PLD1: variants seen among roughly 807,000 people sequenced by gnomAD.
The protein encoded by PLD1 is choline phosphatase 1.
PLD1 carries 112 observed loss-of-function variants against 137.1 expected under a neutral mutation model. That is an observed-to-expected ratio of 0.82 (90% CI 0.70 to 0.96). PLD1 has a LOEUF of 0.96. Ranked by LOEUF, PLD1 falls within the 40% of genes least tolerant of loss-of-function variation. The pLI is 0.00. For missense variants in PLD1, 1,321 were observed against 1,342.0 expected, an observed-to-expected ratio of 0.98 and a Z score of 0.24; for synonymous variants, 431 against 454.7, an observed-to-expected ratio of 0.95 and a Z score of 0.66.
chr3:171,771,303 C>T (rs1204589744), intron 1 of PLD1: 1 of 152,278 alleles, frequency 6.6e-6, no homozygotes, highest in Non-Finnish European at 1.5e-5. Context: ...AAATCGACTA[C>T]CCTGAGAATC....
chr3:171,674,671 C>T, intron 18 of PLD1, 58 bp from the exon 19 acceptor site: 2 of 1,007,838 alleles, frequency 2.0e-6, no homozygotes, highest in Non-Finnish European at 3.0e-6. Context: ...ATTCTCCCTA[C>T]TTTGTGATTA....
intron 23 of PLD1, among the ~76,000 whole-genome samples, chr3:171,624,247 A>T (rs2108306403): frequency 6.6e-6 from 1 of 152,270 alleles, no homozygotes; most frequent in East Asian, 1.9e-4. Flanking sequence ...ATTCACACAC[A>T]CAAAAGATAC....
At chr3:171,747,768 T>C (rs77179151) in intron 1 of PLD1, among the ~76,000 whole-genome samples, 1,659 of 152,316 alleles carry the variant, frequency 0.011, 37 homozygotes, top group African/African-American at 0.038. Flanking sequence ...ACCTATGAAG[T>C]AACTGCTGTT....
At chr3:171,752,426 G>A (rs909801872) in intron 1 of PLD1, among the ~76,000 whole-genome samples, 9 of 152,198 alleles carry the variant, frequency 5.9e-5, no homozygotes, top group Non-Finnish European at 8.8e-5. Context: ...TGGCTAAACC[G>A]AAGTTATCTA....
intron 16 of PLD1, among the ~76,000 whole-genome samples, chr3:171,682,397 C>T (rs1259008624): frequency 6.6e-6 from 1 of 152,014 alleles, no homozygotes. Context: ...TGTATGACAC[C>T]AGGAGGTTTA....
At chr3:171,620,761 TA>T (rs1277515286) in intron 23 of PLD1, among the ~76,000 whole-genome samples, 4,928 of 139,780 alleles carry the variant, frequency 0.035, 259 homozygotes, top group African/African-American at 0.11. Flanking sequence ...TATATATATA[TA>T]TATATATTAT....
At chr3:171,728,878 T>C (rs887743687) in intron 6 of PLD1, among the ~76,000 whole-genome samples, 2 of 152,174 alleles carry the variant, frequency 1.3e-5, no homozygotes, top group Non-Finnish European at 2.9e-5. Flanking sequence ...CCTAATGGCT[T>C]AGTAAAGTTT....
chr3:171,635,700 T>C (rs1282951942), intron 23 of PLD1, among the ~76,000 whole-genome samples: 1 of 152,094 alleles, frequency 6.6e-6, no homozygotes, highest in East Asian at 1.9e-4. Flanking sequence ...CAAATGGTTT[T>C]CTCTCATTCT....
chr3:171,649,195 T>C (rs1261447569), intron 21 of PLD1, among the ~76,000 whole-genome samples: 1 of 152,202 alleles, frequency 6.6e-6, no homozygotes, highest in Non-Finnish European at 1.5e-5. Flanking sequence ...TTATAAAACA[T>C]TCTTGCAAAT....
rs1713523480 is a variant in PLD1, at chr3:171,677,640, G to T, written c.1922C>A (p.Thr641Asn). ...QTGVGELHGE[T>N]RFWHGKDYCN... ...GTAGTCCTTTCCATGCCAGAATCTG[G>T]TTTCCCCATGCAGCTCTCCCACACC... The change falls in exon 17 of 27, where the codon ACC becomes AAC. Residue 641 changes from threonine to asparagine, a missense_variant. Coordinates refer to ENST00000351298, the MANE Select transcript of PLD1 (RefSeq NM_002662.5). 2 of 1,613,894 alleles carry T rather than the reference G, an allele frequency of 1.2e-6. No homozygotes were observed. The highest frequency in any genetic ancestry group is 1.7e-5 in the Admixed American group (1 of 60,012).
rs995052925 is a variant in PLD1, at chr3:171,739,380, A to G, written c.-31-1298T>C. 2.6e-5 allele frequency among the ~76,000 whole-genome samples: 4 copies of G among 152,190 alleles called. No homozygotes were observed. In the East Asian group the frequency reaches 5.8e-4, roughly 22 times the overall value. ...GGAAATTCAAAAATGGGAGCGAAGG[A>G]GGGAGGTTCTGGTTTGGCCAGACAT... On this transcript the variant is annotated intron_variant, in intron 1 of 26. Transcript: ENST00000351298.
chr3:171,749,125 C>T (rs929223319), intron 1 of PLD1, among the ~76,000 whole-genome samples: 8 of 152,024 alleles, frequency 5.3e-5, no homozygotes, highest in African/African-American at 1.9e-4. Flanking sequence ...AAGATTTATT[C>T]AAGGTTAACA....
chr3:171,642,457 CAAAAAAAAAAA>C (rs1230947984), intron 23 of PLD1, among the ~76,000 whole-genome samples: 1 of 33,028 alleles, frequency 3.0e-5, no homozygotes, highest in Non-Finnish European at 6.1e-5. Context: ...AACCCAGTCT[CAAAAAAAAAAA>C]AAAAAAAAAA....
chr3:171,652,184 C>A (rs1017151745), intron 21 of PLD1, among the ~76,000 whole-genome samples: 7 of 152,042 alleles, frequency 4.6e-5, no homozygotes, highest in African/African-American at 1.7e-4. Context: ...CAGGCCAAGG[C>A]GGGCGGACCA....
chr3:171,723,223 A>C (rs946361084), intron 8 of PLD1, among the ~76,000 whole-genome samples: 8 of 152,156 alleles, frequency 5.3e-5, no homozygotes, highest in Non-Finnish European at 7.4e-5. Flanking sequence ...AACTGAGAAC[A>C]TGTGAAGATT....
At chr3:171,685,488 T>C (rs1216278285) in intron 16 of PLD1, among the ~76,000 whole-genome samples, 5 of 152,196 alleles carry the variant, frequency 3.3e-5, no homozygotes, top group Admixed American at 1.3e-4. Context: ...TGGAACTCCA[T>C]TGGGCAGGTC....
At chr3:171,603,382 CA>C in intron 26 of PLD1, 80 bp from the exon 27 acceptor site, 3 of 891,210 alleles carry the variant, frequency 3.4e-6, no homozygotes, top group Non-Finnish European at 5.4e-6. Context: ...ATTATTCCAA[CA>C]GACAAGACCT....
chr3:171,751,238 A>T (rs1328889408), intron 1 of PLD1, among the ~76,000 whole-genome samples: 1 of 152,218 alleles, frequency 6.6e-6, no homozygotes, highest in East Asian at 1.9e-4. Context: ...CAAACATGTA[A>T]ACATTTGAAA....
At position 171,737,888 on chromosome 3, in the gene PLD1, T is replaced by G. The variant is rs1431683405; in HGVS notation, c.160+4A>C. 6.2e-7 allele frequency: 1 copy of G among 1,613,076 alleles called. No individual in the cohort carries two copies. The highest frequency in any genetic ancestry group is 2.2e-5 in the East Asian group (1 of 44,878). Reference sequence around the variant, plus strand: ...TCTTCCCCGCTCAGATCATCCGTCTTTACCTTCTTGTATCTTGGGATCGCT... The same window carrying G: ...TCTTCCCCGCTCAGATCATCCGTCTGTACCTTCTTGTATCTTGGGATCGCT... On this transcript the variant is annotated splice_donor_region_variant and intron_variant, in intron 2 of 26. Transcript: ENST00000351298.
Sources: gnomAD v4.1 joint callset for allele counts (sites outside exome capture counted in the v4.1 genomes callset) on GRCh38, gnomAD v4.1.1 for gene constraint, MANE v1.5 for transcripts, NCBI Gene and HGNC (gene_info 2026-07-23, HGNC 2026-07-21) for gene names.